Variants in SACM1L observed in about 807,000 individuals in gnomAD.
SACM1L encodes phosphatidylinositol-3-phosphatase SAC1.
In SACM1L, 32 loss-of-function variants were observed where a neutral mutation model predicts 89.5. The ratio of observed to expected loss-of-function variants is 0.36; its 90% CI spans 0.27 to 0.48. The LOEUF is 0.48. Ranked by LOEUF, SACM1L falls within the 20% of genes least tolerant of loss-of-function variation. SACM1L has a pLI of 0.99. For synonymous variants in SACM1L, 213 were observed against 232.8 expected (o/e 0.92, Z 0.77); for missense variants, 543 against 708.5 (o/e 0.77, Z 2.65).
chr3:45,731,729 C>T (rs558261003), intron 12 of SACM1L, among the ~76,000 whole-genome samples: 1 of 152,324 alleles, frequency 6.6e-6, no homozygotes, highest in African/African-American at 2.4e-5. Context: ...GCTTACTTCA[C>T]TACCATTTGT....
chr3:45,724,398 T>A (rs1348969195), intron 11 of SACM1L, among the ~76,000 whole-genome samples: 1 of 151,604 alleles, frequency 6.6e-6, no homozygotes, highest in African/African-American at 2.4e-5. Context: ...CTCTAATGAT[T>A]TGTGTGATTT....
At chr3:45,691,458 A>G (rs1170068281) in intron 1 of SACM1L, among the ~76,000 whole-genome samples, 2 of 152,340 alleles carry the variant, frequency 1.3e-5, no homozygotes, top group East Asian at 3.9e-4. Context: ...GTTTCTGTGT[A>G]AGAATTGGTA....
intron 1 of SACM1L, among the ~76,000 whole-genome samples, chr3:45,698,557 CT>C (rs575804594): frequency 5.3e-5 from 8 of 149,900 alleles, no homozygotes; most frequent in African/African-American, 7.3e-5. Context: ...TGTTATAATA[CT>C]TTTTTTTTTG....
intron 11 of SACM1L, among the ~76,000 whole-genome samples, chr3:45,726,809 C>CT (rs1698928574): frequency 6.9e-6 from 1 of 145,744 alleles, no homozygotes; most frequent in South Asian, 2.2e-4. Flanking sequence ...TTGAGGTTTT[C>CT]TTTTTTAATG....
At chr3:45,695,333 T>C (rs1698094837) in intron 1 of SACM1L, among the ~76,000 whole-genome samples, 1 of 151,986 alleles carries the variant, frequency 6.6e-6, no homozygotes, top group East Asian at 1.9e-4. Flanking sequence ...CAGTCTCGGC[T>C]CACCACAACC....
At chr3:45,742,631 T>TTC (rs1699340646) in intron 19 of SACM1L, 1 of 152,256 alleles carries the variant, frequency 6.6e-6, no homozygotes, top group Admixed American at 6.5e-5. Flanking sequence ...GGAAAATGCA[T>TTC]ATCAGCAGAG....
intron 19 of SACM1L, among the ~76,000 whole-genome samples, chr3:45,741,813 T>C (rs1395465074): frequency 1.3e-5 from 2 of 152,220 alleles, no homozygotes; most frequent in Non-Finnish European, 2.9e-5. Context: ...TTTATAACCA[T>C]TTAAAAATGT....
At position 45,745,073 on chromosome 3, in the gene SACM1L, TC is replaced by T. The variant is rs1699397551; in HGVS notation, c.*1405del. On this transcript the variant is annotated 3_prime_UTR_variant, in exon 20 of 20. Transcript: ENST00000389061. The stretch of plus-strand genomic sequence containing the variant: ...CTGGAAAACCCTCTGTAGTTTAAAA[TC>T]AGTCATTAAACTCACAATAGGGTAA... 1 of 152,204 alleles carries T rather than the reference TC, an allele frequency of 6.6e-6. No individual in the cohort carries two copies. Among genetic ancestry groups the T allele is most frequent in the Non-Finnish European group, 1.5e-5 (1 of 68,030 alleles). The allele number at this position is 152,204 out of a possible 1,614,324, so 9.4% of individuals were successfully genotyped here.
intron 19 of SACM1L, among the ~76,000 whole-genome samples, chr3:45,741,558 A>G (rs775934868): frequency 1.3e-5 from 2 of 152,136 alleles, no homozygotes; most frequent in Non-Finnish European, 2.9e-5. Flanking sequence ...GACTCACTCC[A>G]CCACCACCAC....
At chr3:45,716,100 G>A (rs1471155116) in intron 7 of SACM1L, among the ~76,000 whole-genome samples, 2 of 152,084 alleles carry the variant, frequency 1.3e-5, no homozygotes, top group Non-Finnish European at 2.9e-5. Flanking sequence ...ACAGAGAGGC[G>A]GGAGCTGTGT....
chr3:45,701,943 A>G (rs1292187048), intron 1 of SACM1L, among the ~76,000 whole-genome samples: 1 of 152,240 alleles, frequency 6.6e-6, no homozygotes, highest in Non-Finnish European at 1.5e-5. Flanking sequence ...CCAAATAGCC[A>G]TCAACAAATG....
At chr3:45,707,245 T>C (rs531388314) in intron 4 of SACM1L, 1 of 182,254 alleles carries the variant, frequency 5.5e-6, no homozygotes, top group South Asian at 1.1e-4. Context: ...GTTCTACTCC[T>C]CTTAACTCAT....
intron 7 of SACM1L, among the ~76,000 whole-genome samples, chr3:45,716,999 T>C (rs570630551): frequency 2.6e-5 from 4 of 152,344 alleles, no homozygotes; most frequent in East Asian, 3.9e-4. Flanking sequence ...AGCAGGCTTA[T>C]CTGCCCTGCT....
chr3:45,706,776 G>C lies in SACM1L; in HGVS notation c.206-4G>C, dbSNP rs1321234939. On this transcript the variant is annotated splice_region_variant and splice_polypyrimidine_tract_variant and intron_variant, in intron 3 of 19. Transcript: ENST00000389061. ...ATTATGTGTGTTTGGCTTGCTTTTTGCAGGTAATTATCTTATAGTCATTAC... is the reference window on the plus strand; with the variant it reads ...ATTATGTGTGTTTGGCTTGCTTTTTCCAGGTAATTATCTTATAGTCATTAC... 7.5e-6 allele frequency: 12 copies of C among 1,591,198 alleles called. No individual in the cohort carries two copies. The highest frequency in any genetic ancestry group is 1.0e-5 in the Non-Finnish European group (12 of 1,168,656).
At chr3:45,737,348 C>T (rs1699224408) in intron 14 of SACM1L, 1 of 541,512 alleles carries the variant, frequency 1.8e-6, no homozygotes, top group South Asian at 2.5e-5. Flanking sequence ...CTGCTGCTAT[C>T]CCTCAAGGGA....
At chr3:45,736,506 A>T (rs975503605) in intron 14 of SACM1L, among the ~76,000 whole-genome samples, 3 of 152,106 alleles carry the variant, frequency 2.0e-5, no homozygotes, top group African/African-American at 7.2e-5. Context: ...ATGGAGGTAA[A>T]ATACCCCCTT....
At chr3:45,707,854 G>A (rs1476831162) in intron 4 of SACM1L, among the ~76,000 whole-genome samples, 3 of 151,994 alleles carry the variant, frequency 2.0e-5, no homozygotes, top group Non-Finnish European at 4.4e-5. Context: ...TAATCTATAT[G>A]ACAAGAAGGC....
At chr3:45,717,005 C>T (rs1179589801) in intron 7 of SACM1L, among the ~76,000 whole-genome samples, 3 of 152,154 alleles carry the variant, frequency 2.0e-5, no homozygotes, top group Non-Finnish European at 4.4e-5. Context: ...CTTATCTGCC[C>T]TGCTCATTTT....
chr3:45,743,379 A>G (rs1699356720), intron 19 of SACM1L, among the ~76,000 whole-genome samples, 154 bp from the exon 20 acceptor site: 1 of 152,238 alleles, frequency 6.6e-6, no homozygotes, highest in Admixed American at 6.5e-5. Flanking sequence ...AGGGTTTGAG[A>G]ACCACTGGTT....
Sources: allele counts gnomAD v4.1 joint callset (sites outside exome capture counted in the v4.1 genomes callset), GRCh38; gene constraint gnomAD v4.1.1; transcripts MANE v1.5; gene names NCBI Gene and HGNC (gene_info 2026-07-23, HGNC 2026-07-21).